The following GGACT variants were observed in gnomAD, a reference collection of about 807,000 sequenced individuals.
GGACT encodes the protein gamma-glutamylamine cyclotransferase.
For synonymous variants in GGACT, 118 were observed against 115.3 expected, an observed-to-expected ratio of 1.02 and a Z score of -0.15; for missense variants, 241 against 233.2, an observed-to-expected ratio of 1.03 and a Z score of -0.22.
intron 2 of GGACT, among the ~76,000 whole-genome samples, chr13:100,568,607 A>G (rs1874984115): frequency 6.6e-6 from 1 of 152,222 alleles, no homozygotes. Context: ...CTACAATTTA[A>G]GATGAGCCAA....
intron 2 of GGACT, among the ~76,000 whole-genome samples, chr13:100,564,440 G>C (rs2088792685): frequency 6.6e-6 from 1 of 152,148 alleles, no homozygotes; most frequent in African/African-American, 2.4e-5. Context: ...AAGTATTAAA[G>C]ATTGAAGATT....
intron 2 of GGACT, among the ~76,000 whole-genome samples, chr13:100,577,753 G>A (rs746259154): frequency 6.6e-6 from 1 of 151,798 alleles, no homozygotes; most frequent in African/African-American, 2.4e-5. Context: ...GAGTATGTCT[G>A]GAAATGTTCA....
chr13:100,541,389 G>T (rs2088553326), intron 2 of GGACT, among the ~76,000 whole-genome samples: 2 of 152,166 alleles, frequency 1.3e-5, no homozygotes, highest in African/African-American at 4.8e-5. Context: ...AAGTTCTTGA[G>T]CTTCCATTTC....
chr13:100,530,191 A>T lies in GGACT; in HGVS notation c.*1939T>A. 1 of 1,580,650 alleles carries T rather than the reference A, an allele frequency of 6.3e-7. No individual in the cohort carries two copies. Among genetic ancestry groups the T allele is most frequent in the Non-Finnish European group, 8.7e-7 (1 of 1,149,776 alleles). ...AAGGATTTATAACCTTTCAGTCATC[A>T]CCCAATTTAATTAGCCATTTGCATG... On this transcript the variant is annotated 3_prime_UTR_variant, in exon 3 of 3. Transcript: ENST00000683975.
chr13:100,550,417 TACACACACAC>T (rs61669253), intron 2 of GGACT, among the ~76,000 whole-genome samples: 3,917 of 72,474 alleles, frequency 0.054, 310 homozygotes, highest in Admixed American at 0.085. Context: ...GATTATACTC[TACACACACAC>T]ACACACACAC....
At chr13:100,556,585 C>A (rs2088710218) in intron 2 of GGACT, among the ~76,000 whole-genome samples, 1 of 151,560 alleles carries the variant, frequency 6.6e-6, no homozygotes. Context: ...TAATGAAAAT[C>A]CCAGGGGTTT....
intron 2 of GGACT, among the ~76,000 whole-genome samples, chr13:100,559,959 C>T (rs2088744983): frequency 6.6e-6 from 1 of 152,194 alleles, no homozygotes; most frequent in Admixed American, 6.5e-5. Context: ...CAATAACATG[C>T]ATAAATCTCA....
chr13:100,557,761 G>C (rs1355387484), intron 2 of GGACT, among the ~76,000 whole-genome samples: 7 of 152,134 alleles, frequency 4.6e-5, no homozygotes, highest in Non-Finnish European at 7.4e-5. Flanking sequence ...AGACTCGGGT[G>C]AGTAAATGAA....
chr13:100,536,376 T>C (rs778515779), intron 2 of GGACT: 3 of 152,140 alleles, frequency 2.0e-5, no homozygotes, highest in Non-Finnish European at 2.9e-5. Flanking sequence ...AGGTCCTGAC[T>C]TCAGCCTCCA....
intron 2 of GGACT, among the ~76,000 whole-genome samples, chr13:100,564,052 A>T (rs1250809671): frequency 3.3e-5 from 5 of 152,208 alleles, no homozygotes; most frequent in South Asian, 4.1e-4. Context: ...GGGGCTCCCC[A>T]CGCCTGTTGA....
chr13:100,582,800 C>T (rs1202181333), intron 2 of GGACT, among the ~76,000 whole-genome samples: 1 of 152,166 alleles, frequency 6.6e-6, no homozygotes, highest in African/African-American at 2.4e-5. Flanking sequence ...AGTGTCAGGA[C>T]GAGAAGCCAG....
intron 2 of GGACT, among the ~76,000 whole-genome samples, chr13:100,580,598 C>A (rs898307889): frequency 6.6e-6 from 1 of 152,138 alleles, no homozygotes; most frequent in African/African-American, 2.4e-5. Context: ...CTATGGAAGC[C>A]CTAGCAAATG....
At chr13:100,540,226 T>C in intron 2 of GGACT, 2 of 1,389,196 alleles carry the variant, frequency 1.4e-6, no homozygotes, top group South Asian at 1.2e-5. Flanking sequence ...GGCACGACCA[T>C]TGTTCCTTCT....
At chr13:100,535,349 A>G (rs1428295267) in intron 2 of GGACT, among the ~76,000 whole-genome samples, 1 of 152,218 alleles carries the variant, frequency 6.6e-6, no homozygotes, top group African/African-American at 2.4e-5. Context: ...TTACGCTGCT[A>G]CTTCTTGATG....
chr13:100,548,160 G>C (rs1566531720), intron 2 of GGACT, among the ~76,000 whole-genome samples: 1 of 152,266 alleles, frequency 6.6e-6, no homozygotes, highest in African/African-American at 2.4e-5. Context: ...AACTCCGGCA[G>C]AAGGCAAGGG....
At chr13:100,580,936 A>T (rs756880446) in intron 2 of GGACT, among the ~76,000 whole-genome samples, 1 of 152,212 alleles carries the variant, frequency 6.6e-6, no homozygotes, top group Non-Finnish European at 1.5e-5. Flanking sequence ...ACTGTGATAC[A>T]CACATATGTA....
intron 2 of GGACT, among the ~76,000 whole-genome samples, chr13:100,544,490 C>T (rs1338098325): frequency 6.6e-6 from 1 of 152,224 alleles, no homozygotes; most frequent in Non-Finnish European, 1.5e-5. Flanking sequence ...CCACTGCATA[C>T]CCCGGAAAAG....
intron 2 of GGACT, among the ~76,000 whole-genome samples, chr13:100,563,728 A>G (rs547727041): frequency 6.6e-6 from 1 of 152,242 alleles, no homozygotes; most frequent in Non-Finnish European, 1.5e-5. Context: ...GTGGAATGCC[A>G]CAGTGAAGGG....
chr13:100,541,717 C>G (rs2088556777), intron 2 of GGACT: 1 of 152,080 alleles, frequency 6.6e-6, no homozygotes. Context: ...GGTGATTAGG[C>G]CACAGAAGGT....
Sources: gnomAD v4.1 joint callset for allele counts (sites outside exome capture counted in the v4.1 genomes callset) on GRCh38, gnomAD v4.1.1 for gene constraint, MANE v1.5 for transcripts, NCBI Gene and HGNC (gene_info 2026-07-23, HGNC 2026-07-21) for gene names.